Variants in C6 observed in about 807,000 individuals in gnomAD.
The protein encoded by C6 is complement component C6.
A neutral mutation model predicts 112.9 loss-of-function variants in C6; 101 were observed. That is an observed-to-expected ratio of 0.89 (90% CI 0.76 to 1.06). The LOEUF is 1.06. Ranked by LOEUF, C6 falls within the 50% of genes least tolerant of loss-of-function variation. The probability of loss-of-function intolerance (pLI) is 0.00; values close to 1 mark genes in which losing one functional copy is unlikely to be tolerated. For synonymous variants in C6, 431 were observed against 384.1 expected (o/e 1.12, Z -1.43); for missense variants, 1,202 against 1,104.6 (o/e 1.09, Z -1.25).
chr5:41,205,675 G>A (rs1751379589), intron 1 of C6, among the ~76,000 whole-genome samples: 2 of 152,214 alleles, frequency 1.3e-5, no homozygotes, highest in African/African-American at 4.8e-5. Context: ...CTGGCGGAGG[G>A]GTGCCCGCCT....
intron 1 of C6, among the ~76,000 whole-genome samples, chr5:41,244,920 C>T (rs1221304047): frequency 3.3e-5 from 5 of 152,084 alleles, no homozygotes; most frequent in African/African-American, 2.4e-5. Flanking sequence ...TTGTATGGTC[C>T]TCATTTTTTC....
At chr5:41,249,640 G>A (rs1214251500) in intron 1 of C6, among the ~76,000 whole-genome samples, 1 of 152,172 alleles carries the variant, frequency 6.6e-6, no homozygotes, top group African/African-American at 2.4e-5. Context: ...TGTTTTCACA[G>A]CTCAATCTAT....
intron 12 of C6, 97 bp from the exon 13 acceptor site, chr5:41,158,882 A>C: frequency 1.0e-6 from 1 of 956,140 alleles, no homozygotes; most frequent in Non-Finnish European, 1.7e-6. Context: ...CACATTGCAT[A>C]CATATATGTA....
intron 9 of C6, among the ~76,000 whole-genome samples, chr5:41,167,461 T>C (rs968967451): frequency 2.6e-5 from 4 of 152,100 alleles, no homozygotes; most frequent in African/African-American, 9.7e-5. Context: ...ATGTGGTAAC[T>C]AAAATATAGA....
chr5:41,178,302 G>A (rs529189160), intron 7 of C6, among the ~76,000 whole-genome samples: 1 of 146,452 alleles, frequency 6.8e-6, no homozygotes, highest in Admixed American at 6.8e-5. Flanking sequence ...GAAACAGACT[G>A]TTTGTCCAAC....
intron 1 of C6, among the ~76,000 whole-genome samples, chr5:41,259,695 A>G (rs1434773067): frequency 6.6e-6 from 1 of 152,200 alleles, no homozygotes; most frequent in African/African-American, 2.4e-5. Context: ...AATTTTAGGA[A>G]GAGGTTTCTG....
In C6 at chr5:41,206,042, C is replaced by T. The variant is rs540215882; in HGVS notation, c.-20-2792G>A. On this transcript the variant is annotated intron_variant, in intron 1 of 17. Transcript: ENST00000337836. ...AGCTTCCAGAGGAAGGATCAGGCAG[C>T]AACATTTGCCGTTCTGCAGTGTGGG... Among the ~76,000 whole-genome samples, 37 of 152,302 alleles carry T rather than the reference C, an allele frequency of 2.4e-4. No homozygotes were observed. In the South Asian group the frequency reaches 6.4e-3, roughly 26 times the overall value.
chr5:41,177,120 A>G (rs1305723651), intron 7 of C6, among the ~76,000 whole-genome samples: 6 of 152,190 alleles, frequency 3.9e-5, no homozygotes. Context: ...TGCAACTGAG[A>G]TGGAGGTTAT....
chr5:41,181,125 G>A (rs1198002214), intron 7 of C6, among the ~76,000 whole-genome samples: 1 of 151,822 alleles, frequency 6.6e-6, no homozygotes, highest in Non-Finnish European at 1.5e-5. Flanking sequence ...AAAAAAAAGT[G>A]AAGATAAAAA....
chr5:41,215,557 C>G (rs1211848553), upstream of C6, among the ~76,000 whole-genome samples: 1 of 152,122 alleles, frequency 6.6e-6, no homozygotes, highest in East Asian at 1.9e-4. Flanking sequence ...TCAGCAACTG[C>G]AGGCCTTCTG....
intron 1 of C6, among the ~76,000 whole-genome samples, chr5:41,240,586 G>A (rs532257706): frequency 5.3e-5 from 8 of 152,218 alleles, no homozygotes; most frequent in African/African-American, 1.7e-4. Context: ...TGCTGATGTT[G>A]GTGGTGGCAG....
chr5:41,252,578 C>A (rs1741434101), intron 1 of C6, among the ~76,000 whole-genome samples: 2 of 152,120 alleles, frequency 1.3e-5, no homozygotes, highest in African/African-American at 2.4e-5. Context: ...AAATGTAATT[C>A]TTTGATGTAT....
At chr5:41,234,750 T>G (rs1249782507) in intron 1 of C6, among the ~76,000 whole-genome samples, 3 of 152,166 alleles carry the variant, frequency 2.0e-5, no homozygotes, top group African/African-American at 7.2e-5. Context: ...CACTAGTAAC[T>G]TGTTAAATCA....
chr5:41,146,343 A>G (rs1288067072), intron 17 of C6, among the ~76,000 whole-genome samples: 1 of 152,188 alleles, frequency 6.6e-6, no homozygotes, highest in Non-Finnish European at 1.5e-5. Context: ...TTAGATAGAG[A>G]AGGAAAAGAG....
At chr5:41,185,898 A>G (rs1246153753) in intron 6 of C6, among the ~76,000 whole-genome samples, 172 bp downstream of exon 6, 3 of 152,220 alleles carry the variant, frequency 2.0e-5, no homozygotes, top group African/African-American at 7.2e-5. Flanking sequence ...CTGTAAATTG[A>G]TAACACTGGC....
intron 4 of C6, among the ~76,000 whole-genome samples, chr5:41,198,695 C>T (rs1237248859): frequency 2.0e-5 from 3 of 152,156 alleles, no homozygotes; most frequent in Non-Finnish European, 4.4e-5. Flanking sequence ...CATCTCAAGG[C>T]TTCTCAAACT....
chr5:41,157,977 G>A (rs1025312219), intron 13 of C6, among the ~76,000 whole-genome samples: 5 of 152,144 alleles, frequency 3.3e-5, no homozygotes, highest in African/African-American at 1.2e-4. Flanking sequence ...AGAGAATTGA[G>A]TGTTATTGAT....
intron 5 of C6, among the ~76,000 whole-genome samples, chr5:41,193,820 A>G (rs1304744183): frequency 8.0e-6 from 1 of 125,414 alleles, no homozygotes; most frequent in Non-Finnish European, 1.6e-5. Context: ...TTTTGTGGTT[A>G]GAAATATGTT....
intron 7 of C6, among the ~76,000 whole-genome samples, chr5:41,176,979 T>A (rs972230089): frequency 2.0e-5 from 3 of 152,180 alleles, no homozygotes; most frequent in Non-Finnish European, 2.9e-5. Flanking sequence ...AAAGAAGAAA[T>A]CAGTGATCAA....
Sources: gnomAD v4.1 joint callset for allele counts (sites outside exome capture counted in the v4.1 genomes callset) on GRCh38, gnomAD v4.1.1 for gene constraint, MANE v1.5 for transcripts, NCBI Gene and HGNC (gene_info 2026-07-23, HGNC 2026-07-21) for gene names.